Variants in NDUFS7 observed in about 807,000 individuals in gnomAD.
The protein encoded by NDUFS7 is NADH:ubiquinone oxidoreductase core subunit S7.
Under a neutral mutation model 31.1 loss-of-function variants are expected in NDUFS7, and 11 were observed. The ratio of observed to expected loss-of-function variants is 0.35; its 90% CI spans 0.22 to 0.59. NDUFS7 has a LOEUF of 0.59. Among genes scored for constraint, NDUFS7 ranks in the 20% least tolerant of loss-of-function variants. NDUFS7 has a pLI of 0.79. For missense variants in NDUFS7, 263 were observed against 324.2 expected (o/e 0.81, Z 1.45); for synonymous variants, 136 against 127.9 (o/e 1.06, Z -0.43).
rs773052601 is a variant in NDUFS7, at chr19:1,387,847, G to A, written c.53G>A (p.Arg18His). The change falls in exon 2 of 8, where the codon CGC becomes CAC. Residue 18 changes from arginine (R) to histidine (H), a missense_variant and splice_region_variant. Physicochemically the swap from Arg to His is conservative, Grantham distance 29. Transcript: ENST00000233627. ...GLRGFRILGLRSSVGPAVQAR... is the reference protein window; with the variant it reads ...GLRGFRILGLHSSVGPAVQAR... ...CGCGGCTTCCGGATCCTTGGTCTGC[G>A]GTGAGTGCCTGAGTCTCCAGCCCTC... 4 of 1,603,950 alleles carry A rather than the reference G, an allele frequency of 2.5e-6. No individual in the cohort carries two copies. Among genetic ancestry groups the A allele is most frequent in the South Asian group, 2.2e-5 (2 of 90,954 alleles).
Position 1,393,386 on chromosome 19 carries a change from C to T in NDUFS7, c.544+56C>T, listed in dbSNP as rs1394744183. On this transcript the variant is annotated intron_variant, in intron 7 of 7. Transcript: ENST00000233627. This position sits in a 1 kb window ranked among gnomAD's most constrained non-coding sequence, Gnocchi z 7.3. ...AGCTGGAGACAGGGCCAGCGCCACA[C>T]GGAGCCCGGCGGCCCCTGTGAGGGA... 56 of 1,442,276 alleles carry T rather than the reference C, an allele frequency of 3.9e-5. No homozygotes were observed. The highest frequency in any genetic ancestry group is 5.6e-5 in the African/African-American group (4 of 71,050). The allele number at this position is 1,442,276 out of a possible 1,614,324, so 89.3% of individuals were successfully genotyped here.
rs2082586206 is a variant in NDUFS7, at chr19:1,394,994, A to G, written c.545-397A>G. The G allele has an allele frequency of 3.5e-6, 4 of 1,127,486 alleles. No individual in the cohort carries two copies. In the South Asian group the frequency reaches 8.9e-5, roughly 25 times the overall value. The allele number at this position is 1,127,486 out of a possible 1,614,324, so 69.8% of individuals were successfully genotyped here. ...TGGGCCACCTCCCCTCCCTCCGCCCAGCCTCCCTGCCTCCATCTCCGTCCA... is the reference window on the plus strand; with the variant it reads ...TGGGCCACCTCCCCTCCCTCCGCCCGGCCTCCCTGCCTCCATCTCCGTCCA... On this transcript the variant is annotated intron_variant, in intron 7 of 7. Transcript: ENST00000233627.
chr19:1,385,213 C>T (rs1211953001), intron 1 of NDUFS7, among the ~76,000 whole-genome samples: 1 of 152,224 alleles, frequency 6.6e-6, no homozygotes, highest in African/African-American at 2.4e-5. Context: ...CCTCACCAGG[C>T]CCCTTGTTAA....
chr19:1,388,767 T>G (rs981357356), intron 3 of NDUFS7, 66 bp from the exon 4 acceptor site: 3 of 1,512,436 alleles, frequency 2.0e-6, no homozygotes, highest in Non-Finnish European at 2.7e-6. Flanking sequence ...CCGTGGGGGC[T>G]CGCATCCGCC....
chr19:1,394,052 T>A (rs1428060167), intron 7 of NDUFS7: 2 of 288,344 alleles, frequency 6.9e-6, no homozygotes, highest in Non-Finnish European at 1.4e-5. Flanking sequence ...GGGGACAGAG[T>A]CCTGTTCTTG....
intron 7 of NDUFS7, chr19:1,395,066 C>T (rs1186981114): frequency 4.8e-6 from 6 of 1,251,408 alleles, no homozygotes; most frequent in Non-Finnish European, 6.1e-6. Context: ...GTCTGCTGAG[C>T]GCTGGCCCCC....
intron 7 of NDUFS7, chr19:1,395,016 T>C: frequency 8.7e-7 from 1 of 1,151,872 alleles, no homozygotes; most frequent in Non-Finnish European, 1.1e-6. Context: ...TCCATCTCCG[T>C]CCAGGGCAGC....
rs1325469789 is a variant in NDUFS7 at position 1,389,216 on chromosome 19, TACACACATGCACACTTGCACTCATGC to T, written c.228+283_228+308del. 3.4e-5 allele frequency: 23 copies of T among 674,334 alleles called. 2 individuals carry two copies. Among genetic ancestry groups the T allele is most frequent in the Middle Eastern group, 5.6e-4 (2 of 3,602 alleles). 41.8% of individuals were successfully genotyped at this position (674,334 alleles called of 1,614,324 possible). Reference sequence around the variant, plus strand: ...ACATGTGCACACACGCTTGCACACATACACACATGCACACTTGCACTCATGCACACTCATGCGCACATATACACATG... The same window carrying T: ...ACATGTGCACACACGCTTGCACACATACACTCATGCGCACATATACACATG... On this transcript the variant is annotated intron_variant, in intron 4 of 7. Transcript: ENST00000233627.
chr19:1,389,061 A>G, intron 4 of NDUFS7, 123 bp downstream of exon 4: 2 of 834,508 alleles, frequency 2.4e-6, no homozygotes, highest in Non-Finnish European at 4.0e-6. Flanking sequence ...GCACACTCAC[A>G]TGCGCACATG....
In NDUFS7 at chr19:1,395,500, C is replaced by CCGCCGCCGGAGCCTGT; in HGVS notation, c.*18_*33dup. ...GGTACCGCAGGTAGCGCCGCCGCCGCCGCCGCCGGAGCCTGTCGCCGTCCT... is the reference window on the plus strand; with the variant it reads ...GGTACCGCAGGTAGCGCCGCCGCCGCCGCCGCCGGAGCCTGTCGCCGCCGGAGCCTGTCGCCGTCCT... On this transcript the variant is annotated 3_prime_UTR_variant, in exon 8 of 8. Coordinates refer to ENST00000233627, the MANE Select transcript of NDUFS7 (RefSeq NM_024407.5). The CCGCCGCCGGAGCCTGT allele has an allele frequency of 6.4e-7, 1 of 1,565,060 alleles. No homozygotes were observed. The highest frequency in any genetic ancestry group is 8.7e-7 in the Non-Finnish European group (1 of 1,156,024).
At chr19:1,392,779 G>A (rs1011432904) in intron 6 of NDUFS7, 16 of 211,522 alleles carry the variant, frequency 7.6e-5, no homozygotes, top group Middle Eastern at 1.8e-3. Context: ...ACGGCTGTGG[G>A]AAGCAGTGCT....
At chr19:1,387,741 G>GA in intron 1 of NDUFS7, 70 bp from the exon 2 acceptor site, 1 of 1,447,596 alleles carries the variant, frequency 6.9e-7, no homozygotes, top group Non-Finnish European at 9.6e-7. Context: ...GCCTGATGGG[G>GA]AAGCGCCTGG....
chr19:1,390,451 A>G, intron 4 of NDUFS7: 1 of 283,992 alleles, frequency 3.5e-6, no homozygotes, highest in Non-Finnish European at 6.8e-6. Flanking sequence ...GGAGTGGCCA[A>G]GGAGATCTGA....
chr19:1,390,875 C>G lies in NDUFS7; in HGVS notation c.233C>G (p.Ser78Cys). Reference protein sequence around the residue: ...DDLVNWARRSSLWPMTFGLAC... With the variant: ...DDLVNWARRSCLWPMTFGLAC... ...ACCCGAGCCCGGCCTCCGCAGAGTTCTCTGTGGCCCATGACCTTCGGCCTG... is the reference window on the plus strand; with the variant it reads ...ACCCGAGCCCGGCCTCCGCAGAGTTGTCTGTGGCCCATGACCTTCGGCCTG... Residue 78 changes from serine (S) to cysteine (C), a missense_variant, in exon 5 of 8, where the codon TCT (serine) becomes TGT (cysteine). Ser to Cys is a moderately radical substitution (Grantham distance 112). Transcript: ENST00000233627. 2 of 1,609,206 alleles carry G rather than the reference C, an allele frequency of 1.2e-6. No individual in the cohort carries two copies. The highest frequency in any genetic ancestry group is 1.7e-6 in the Non-Finnish European group (2 of 1,179,802).
Position 1,393,422 on chromosome 19 carries a change from C to T in NDUFS7, c.544+92C>T. On this transcript the variant is annotated intron_variant, in intron 7 of 7. Coordinates refer to ENST00000233627, the MANE Select transcript of NDUFS7 (RefSeq NM_024407.5). This position sits in a 1 kb window ranked among gnomAD's most constrained non-coding sequence, Gnocchi z 7.3. ...GGCCCCTGTGAGGGAGTCCCACACCCCCAGCAGACGGCGGGCTCCCCCATC... is the reference window on the plus strand; with the variant it reads ...GGCCCCTGTGAGGGAGTCCCACACCTCCAGCAGACGGCGGGCTCCCCCATC... 1 of 1,073,320 alleles carries T rather than the reference C, an allele frequency of 9.3e-7. No homozygotes were observed. The highest frequency in any genetic ancestry group is 1.4e-6 in the Non-Finnish European group (1 of 723,856). 66.5% of individuals were successfully genotyped at this position (1,073,320 alleles called of 1,614,324 possible).
intron 7 of NDUFS7, chr19:1,394,462 G>C (rs774225690): frequency 7.9e-7 from 1 of 1,265,430 alleles, no homozygotes; most frequent in South Asian, 1.3e-5. Flanking sequence ...CCCTCCCTGC[G>C]GACTGTGCTC....
At chr19:1,385,748 G>A (rs1022882726) in intron 1 of NDUFS7, among the ~76,000 whole-genome samples, 31 of 152,150 alleles carry the variant, frequency 2.0e-4, no homozygotes, top group Middle Eastern at 3.2e-3. Context: ...GAACCTGGGA[G>A]GTGGAGGTTG....
Position 1,393,829 on chromosome 19 carries a change from G to A in NDUFS7, c.544+499G>A, listed in dbSNP as rs2082573945. On this transcript the variant is annotated intron_variant, in intron 7 of 7. Coordinates refer to ENST00000233627, the MANE Select transcript of NDUFS7 (RefSeq NM_024407.5). The surrounding 1 kb of genome is among the most constrained non-coding windows in gnomAD (Gnocchi z 7.3). Reference sequence around the variant, plus strand: ...ACTGTTAGTAGTAATTGTTTAGTACGAGTATATCCCAACAATATTTGGGCT... The same window carrying A: ...ACTGTTAGTAGTAATTGTTTAGTACAAGTATATCCCAACAATATTTGGGCT... 9.3e-6 allele frequency: 3 copies of A among 321,518 alleles called. No homozygotes were observed. The highest frequency in any genetic ancestry group is 3.6e-5 in the South Asian group (1 of 27,854). The allele number at this position is 321,518 out of a possible 1,614,324, so 19.9% of individuals were successfully genotyped here.
intron 7 of NDUFS7, chr19:1,394,828 T>C: frequency 8.6e-7 from 1 of 1,165,492 alleles, no homozygotes; most frequent in Non-Finnish European, 1.1e-6. Context: ...GCTGTCCCCG[T>C]TGGGCCCTGG....
Sources: gnomAD v4.1 joint callset for allele counts (sites outside exome capture counted in the v4.1 genomes callset) on GRCh38, gnomAD v4.1.1 for gene constraint, Gnocchi (gnomAD v3.1) non-coding constraint, MANE v1.5 for transcripts, NCBI Gene and HGNC (gene_info 2026-07-23, HGNC 2026-07-21) for gene names.